The following EXPH5 variants were observed in gnomAD, a reference collection of about 807,000 sequenced individuals.
EXPH5 encodes the protein exophilin 5.
A neutral mutation model predicts 41.1 loss-of-function variants in EXPH5; 42 were observed. The ratio of observed to expected loss-of-function variants is 1.02; its 90% CI spans 0.80 to 1.32. EXPH5 has a LOEUF of 1.32. Among genes scored for constraint, EXPH5 ranks in the 40% most tolerant of loss-of-function variants. EXPH5 has a pLI of 0.00. For missense variants in EXPH5, 2,298 were observed against 2,314.5 expected (o/e 0.99, Z 0.15); for synonymous variants, 798 against 833.5 (o/e 0.96, Z 0.73).
chr11:108,521,203 C>A (rs1428438523), intron 4 of EXPH5, among the ~76,000 whole-genome samples: 2 of 152,222 alleles, frequency 1.3e-5, no homozygotes, highest in Admixed American at 6.5e-5. Context: ...TCTCATCTTT[C>A]ATGCCTAAGA....
At chr11:108,605,224 T>A in the EXPH5 span, among the ~76,000 whole-genome samples, 1 of 152,162 alleles carries the variant, frequency 6.6e-6, no homozygotes, top group East Asian at 1.9e-4. Context: ...AGCCATCATT[T>A]CCATAAAGAG....
chr11:108,563,527 TG>T (rs2136084333), intron 1 of EXPH5, among the ~76,000 whole-genome samples: 1 of 152,244 alleles, frequency 6.6e-6, no homozygotes, highest in African/African-American at 2.4e-5. Context: ...AAAGAGCTGC[TG>T]GGGAACAGTG....
At chr11:108,515,142 C>T (rs1246632454) in intron 5 of EXPH5, among the ~76,000 whole-genome samples, 1 of 151,864 alleles carries the variant, frequency 6.6e-6, no homozygotes, top group African/African-American at 2.4e-5. Context: ...GAACTATATT[C>T]TTCTAACAAT....
intron 1 of EXPH5, among the ~76,000 whole-genome samples, chr11:108,559,419 T>C (rs75635943): frequency 0.039 from 5,922 of 152,258 alleles, 356 homozygotes; most frequent in African/African-American, 0.13. Flanking sequence ...GGGACATAAA[T>C]GCCTCTTGCA....
chr11:108,545,909 A>T (rs1242651277), intron 1 of EXPH5, among the ~76,000 whole-genome samples: 2 of 150,528 alleles, frequency 1.3e-5, no homozygotes, highest in Middle Eastern at 3.4e-3. Context: ...TCTAAAAAAA[A>T]AAACAACAGT....
chr11:108,539,011 G>A lies in EXPH5; in HGVS notation c.443+13C>T, dbSNP rs200688032. 6.4e-6 allele frequency: 10 copies of A among 1,569,116 alleles called. No individual in the cohort carries two copies. In the East Asian group the frequency reaches 1.8e-4, roughly 28 times the overall value. On this transcript the variant is annotated intron_variant, in intron 3 of 5. Transcript: ENST00000265843. ...TAACAAATGGGCCGTAACATGACCTGAGTTTAACTCACCCTTTCTGTCCCA... is the reference window on the plus strand; with the variant it reads ...TAACAAATGGGCCGTAACATGACCTAAGTTTAACTCACCCTTTCTGTCCCA...
At position 108,513,724 on chromosome 11, in the gene EXPH5, T is replaced by C. The variant is rs147399029; in HGVS notation, c.1783A>G (p.Ser595Gly). The change falls in exon 6 of 6, where the codon AGT (serine) becomes GGT (glycine). Residue 595 changes from serine to glycine, a missense_variant. Ser to Gly is a moderately conservative substitution (Grantham distance 56, BLOSUM62 0). Coordinates refer to ENST00000265843, the MANE Select transcript of EXPH5 (RefSeq NM_015065.3). ...MTGSSYHVKSSELVSQQDSSP... is the reference protein window; with the variant it reads ...MTGSSYHVKSGELVSQQDSSP... The stretch of plus-strand genomic sequence containing the variant: ...CTGTCCTGTTGACTTACCAACTCAC[T>C]AGATTTGACGTGATAGCTTGAACCA... 7 of 1,612,314 alleles carry C rather than the reference T, an allele frequency of 4.3e-6. No individual in the cohort carries two copies. Among genetic ancestry groups the C allele is most frequent in the Non-Finnish European group, 5.1e-6 (6 of 1,179,428 alleles).
intron 1 of EXPH5, among the ~76,000 whole-genome samples, chr11:108,573,140 GAAAGAAA>G (rs2094066879): frequency 1.7e-4 from 3 of 17,806 alleles, no homozygotes; most frequent in Admixed American, 5.5e-4. Flanking sequence ...AGGAAAGAAG[GAAAGAAA>G]GAAAGAAAGA....
rs753534719 is a variant in EXPH5, at chr11:108,511,633, C to T, written c.3874G>A (p.Ala1292Thr). 8.1e-6 allele frequency: 13 copies of T among 1,609,870 alleles called. No individual in the cohort carries two copies. Among genetic ancestry groups the T allele is most frequent in the Admixed American group, 6.8e-5 (4 of 58,962 alleles). Residue 1292 changes from alanine to threonine, a missense_variant, in exon 6 of 6, where the codon GCT becomes ACT. Physicochemically the swap from Ala to Thr is moderately conservative, Grantham distance 58. Transcript: ENST00000265843. ...PQVETETFPN[A>T]LEKDKQNYST... is the part of the protein sequence containing the mutation. ...TAATTCTGTTTGTCTTTTTCTAAAGCGTTAGGAAATGTTTCAGTCTCCACT... is the reference window on the plus strand; with the variant it reads ...TAATTCTGTTTGTCTTTTTCTAAAGTGTTAGGAAATGTTTCAGTCTCCACT...
At chr11:108,599,039 A>ACG in the EXPH5 span, among the ~76,000 whole-genome samples, 4 of 152,150 alleles carry the variant, frequency 2.6e-5, no homozygotes, top group Non-Finnish European at 4.4e-5. Flanking sequence ...AGAGACGGAG[A>ACG]GAGAGAGAGA....
intron 1 of EXPH5, among the ~76,000 whole-genome samples, chr11:108,555,960 C>T (rs535821993): frequency 6.6e-6 from 1 of 152,272 alleles, no homozygotes; most frequent in East Asian, 1.9e-4. Flanking sequence ...CTATCTGTCT[C>T]CCTGCTTCAC....
chr11:108,591,906 C>T (rs779233233), intron 1 of EXPH5, among the ~76,000 whole-genome samples: 1 of 152,220 alleles, frequency 6.6e-6, no homozygotes, highest in African/African-American at 2.4e-5. Flanking sequence ...CCCTCAATTT[C>T]CCCAAATATA....
chr11:108,524,526 A>G (rs1437349962), intron 4 of EXPH5, among the ~76,000 whole-genome samples: 1 of 152,206 alleles, frequency 6.6e-6, no homozygotes, highest in Non-Finnish European at 1.5e-5. Context: ...GTTACATGGT[A>G]CATAAAATAG....
chr11:108,536,412 C>T (rs1008074783), intron 3 of EXPH5, among the ~76,000 whole-genome samples: 4 of 151,968 alleles, frequency 2.6e-5, no homozygotes, highest in Admixed American at 1.3e-4. Context: ...ACTACAGGCT[C>T]GCACCACCAT....
chr11:108,544,333 T>C (rs1318478031), intron 1 of EXPH5, among the ~76,000 whole-genome samples: 1 of 151,994 alleles, frequency 6.6e-6, no homozygotes, highest in South Asian at 2.1e-4. Context: ...GGGACCACCA[T>C]CCCTGACTAA....
intron 1 of EXPH5, among the ~76,000 whole-genome samples, chr11:108,558,037 G>A (rs908008781): frequency 6.6e-6 from 1 of 152,132 alleles, no homozygotes; most frequent in African/African-American, 2.4e-5. Context: ...CTGCCTCCCA[G>A]GCTCAAGCAA....
intron 1 of EXPH5, among the ~76,000 whole-genome samples, chr11:108,590,877 T>A (rs908166870): frequency 6.6e-6 from 1 of 152,192 alleles, no homozygotes; most frequent in Non-Finnish European, 1.5e-5. Flanking sequence ...GGTCTCAAAC[T>A]CTTGGCCTCA....
chr11:108,558,508 C>T (rs1390584072), intron 1 of EXPH5, among the ~76,000 whole-genome samples: 2 of 152,226 alleles, frequency 1.3e-5, no homozygotes, highest in Non-Finnish European at 2.9e-5. Context: ...CTAACTCTGT[C>T]TCCCTTGGGC....
chr11:108,601,727 CTTTCTTTCTTTTCT>C, the EXPH5 span, among the ~76,000 whole-genome samples: 1,829 of 150,932 alleles, frequency 0.012, 34 homozygotes, highest in African/African-American at 0.04. Context: ...TTTCTTTTTT[CTTTCTTTCTTTTCT>C]TTTCTTTCTT....
Sources: allele counts gnomAD v4.1 joint callset (sites outside exome capture counted in the v4.1 genomes callset), GRCh38; gene constraint gnomAD v4.1.1; transcripts MANE v1.5; gene names NCBI Gene and HGNC (gene_info 2026-07-23, HGNC 2026-07-21).